KCTD8: variants seen among roughly 807,000 people sequenced by gnomAD.
KCTD8 encodes the protein potassium channel tetramerization domain containing 8, also known as BTB/POZ domain-containing protein KCTD8.
Under a neutral mutation model 31.5 loss-of-function variants are expected in KCTD8, and 27 were observed. That is an observed-to-expected ratio of 0.86 (90% CI 0.63 to 1.18). The LOEUF (loss-of-function observed/expected upper bound fraction) is 1.18. Among genes scored for constraint, KCTD8 ranks in the 50% most tolerant of loss-of-function variants. KCTD8 has a pLI of 0.00. For missense variants in KCTD8, 658 were observed against 647.7 expected, an observed-to-expected ratio of 1.02 and a Z score of -0.17; for synonymous variants, 290 against 280.0, an observed-to-expected ratio of 1.04 and a Z score of -0.36.
intron 1 of KCTD8, among the ~76,000 whole-genome samples, chr4:44,320,841 CAATT>C (rs1179210248): frequency 7.4e-6 from 1 of 135,916 alleles, no homozygotes; most frequent in Non-Finnish European, 1.6e-5. Flanking sequence ...AAAAAAAAGC[CAATT>C]AATACCTCCT....
In KCTD8 at chr4:44,174,565, T is replaced by C. The variant is rs1293928809; in HGVS notation, c.*225A>G. ...CTTGTAAAATGGTTTGAATCAGATATTCCATTTTGATTTAACACTTATTGA... is the reference window on the plus strand; with the variant it reads ...CTTGTAAAATGGTTTGAATCAGATACTCCATTTTGATTTAACACTTATTGA... On this transcript the variant is annotated 3_prime_UTR_variant, in exon 2 of 2. Transcript: ENST00000360029. The C allele has an allele frequency of 9.4e-6, 4 of 427,806 alleles. No individual in the cohort carries two copies. Among genetic ancestry groups the C allele is most frequent in the Non-Finnish European group, 8.2e-6 (2 of 243,632 alleles). 26.5% of individuals were successfully genotyped at this position (427,806 alleles called of 1,614,324 possible).
chr4:44,367,204 G>A (rs1719663184), intron 1 of KCTD8, among the ~76,000 whole-genome samples: 1 of 152,086 alleles, frequency 6.6e-6, no homozygotes, highest in Non-Finnish European at 1.5e-5. Flanking sequence ...GTCCTCAGGA[G>A]AACCCCTTTT....
intron 1 of KCTD8, 94 bp downstream of exon 1, chr4:44,447,469 C>T (rs1043515506): frequency 1.4e-5 from 20 of 1,428,420 alleles, no homozygotes; most frequent in Middle Eastern, 4.2e-4. Flanking sequence ...GCGCCTGCCC[C>T]GGACACCCCC....
chr4:44,419,482 G>A (rs1553907092), intron 1 of KCTD8, among the ~76,000 whole-genome samples: 1 of 152,106 alleles, frequency 6.6e-6, no homozygotes, highest in Non-Finnish European at 1.5e-5. Flanking sequence ...TTCTAGAAAG[G>A]AACCTTCTAT....
chr4:44,395,533 G>A (rs1388710734), intron 1 of KCTD8, among the ~76,000 whole-genome samples: 1 of 151,982 alleles, frequency 6.6e-6, no homozygotes, highest in Non-Finnish European at 1.5e-5. Context: ...AAAAATGGAT[G>A]GCACAGTTCC....
chr4:44,267,445 A>G (rs1716416399), intron 1 of KCTD8, among the ~76,000 whole-genome samples: 1 of 152,220 alleles, frequency 6.6e-6, no homozygotes, highest in South Asian at 2.1e-4. Context: ...GAAAGCAGGA[A>G]AGATCCAAAA....
intron 1 of KCTD8, among the ~76,000 whole-genome samples, chr4:44,277,677 T>C (rs1716791439): frequency 6.6e-6 from 1 of 151,878 alleles, no homozygotes; most frequent in Non-Finnish European, 1.5e-5. Context: ...TAATGCACAT[T>C]ATGGAGCACT....
chr4:44,362,337 C>T (rs1719518650), intron 1 of KCTD8, among the ~76,000 whole-genome samples: 3 of 152,044 alleles, frequency 2.0e-5, no homozygotes, highest in African/African-American at 7.2e-5. Flanking sequence ...TAATCATAAC[C>T]TCAACTTTCA....
rs368010563 is a variant in KCTD8, at chr4:44,432,909, C to G, written c.961+14654G>C. 6.6e-5 allele frequency among the ~76,000 whole-genome samples: 10 copies of G among 151,700 alleles called. No homozygotes were observed. In the East Asian group the frequency reaches 1.5e-3, roughly 23 times the overall value. On this transcript the variant is annotated intron_variant, in intron 1 of 1. Transcript: ENST00000360029. ...AAGTACACATTCTTTGCACTTAAAA[C>G]TTGTTTCGCCCATAGCTTCCATAAC...
At chr4:44,311,642 G>A (rs1442761817) in intron 1 of KCTD8, among the ~76,000 whole-genome samples, 1 of 152,124 alleles carries the variant, frequency 6.6e-6, no homozygotes, top group Admixed American at 6.6e-5. Context: ...ACATTCAACA[G>A]ATGGTGAAAT....
intron 1 of KCTD8, among the ~76,000 whole-genome samples, chr4:44,382,422 TTCTGTAAGAACTCAAACAAGA>T (rs1720092168): frequency 6.6e-6 from 1 of 152,004 alleles, no homozygotes; most frequent in Non-Finnish European, 1.5e-5. Context: ...CTGAGAGCTT[TTCTGTAAGAACTCAAACAAGA>T]TGGTCGGGCA....
chr4:44,424,133 T>A (rs955282575), intron 1 of KCTD8, among the ~76,000 whole-genome samples: 1 of 152,196 alleles, frequency 6.6e-6, no homozygotes, highest in South Asian at 2.1e-4. Context: ...ATCATGAATA[T>A]CATTGTGTAA....
At chr4:44,391,347 A>G (rs1199742498) in intron 1 of KCTD8, among the ~76,000 whole-genome samples, 2 of 151,776 alleles carry the variant, frequency 1.3e-5, no homozygotes, top group African/African-American at 4.8e-5. Context: ...AGTTATATCA[A>G]TTGTGCCCGC....
chr4:44,186,634 C>T (rs1713597331), intron 1 of KCTD8, among the ~76,000 whole-genome samples: 1 of 152,226 alleles, frequency 6.6e-6, no homozygotes. Context: ...CTCCCCACGA[C>T]CTGCCCGTCT....
chr4:44,365,315 C>T (rs1046688516), intron 1 of KCTD8, among the ~76,000 whole-genome samples: 4 of 152,070 alleles, frequency 2.6e-5, no homozygotes, highest in African/African-American at 9.7e-5. Context: ...TGTCTAACAA[C>T]ATCAAGGAAA....
chr4:44,355,425 T>A (rs1259658706), intron 1 of KCTD8, among the ~76,000 whole-genome samples: 1 of 152,158 alleles, frequency 6.6e-6, no homozygotes, highest in African/African-American at 2.4e-5. Context: ...CATTAAGAAC[T>A]ATGACAAAGT....
intron 1 of KCTD8, among the ~76,000 whole-genome samples, chr4:44,329,556 A>G (rs985622733): frequency 2.0e-5 from 3 of 151,986 alleles, no homozygotes; most frequent in Non-Finnish European, 2.9e-5. Flanking sequence ...TAAACTGTAA[A>G]GCTCTATATA....
At chr4:44,267,239 C>G (rs562078269) in intron 1 of KCTD8, among the ~76,000 whole-genome samples, 8 of 152,320 alleles carry the variant, frequency 5.3e-5, no homozygotes, top group African/African-American at 1.9e-4. Context: ...GATTAAGAAA[C>G]TCACTCAAAA....
chr4:44,198,539 T>A (rs13114585), intron 1 of KCTD8, among the ~76,000 whole-genome samples: 2 of 152,040 alleles, frequency 1.3e-5, no homozygotes, highest in African/African-American at 2.4e-5. Context: ...CAACCAAAAA[T>A]TTCATATCCC....
Sources: allele counts gnomAD v4.1 joint callset (sites outside exome capture counted in the v4.1 genomes callset), GRCh38; gene constraint gnomAD v4.1.1; transcripts MANE v1.5; gene names NCBI Gene and HGNC (gene_info 2026-07-23, HGNC 2026-07-21).